The following ERBB2 variants were observed in gnomAD, a reference collection of about 807,000 sequenced individuals.
ERBB2 encodes erb-b2 receptor tyrosine kinase 2.
In ERBB2, 61 loss-of-function variants were observed where a neutral mutation model predicts 149.0. The observed-to-expected ratio is 0.41, with a 90% confidence interval of 0.33 to 0.51. The LOEUF (loss-of-function observed/expected upper bound fraction) is 0.51. ERBB2 is among the 20% of genes least tolerant of loss of function. The pLI is 0.25. For missense variants in ERBB2, 1,205 were observed against 1,655.1 expected, an observed-to-expected ratio of 0.73 and a Z score of 4.72; for synonymous variants, 633 against 678.8, an observed-to-expected ratio of 0.93 and a Z score of 1.05.
chr17:39,702,440 G>T (rs370976639), intron 1 of ERBB2, among the ~76,000 whole-genome samples: 12 of 152,262 alleles, frequency 7.9e-5, no homozygotes, highest in South Asian at 4.1e-4. Flanking sequence ...TTTCTTAGAG[G>T]TATGGGTTTT....
At chr17:39,694,226 AATATAT>A (rs1417710622), upstream of ERBB2, among the ~76,000 whole-genome samples, 1,107 of 18,370 alleles carry the variant, frequency 0.06, 47 homozygotes, top group African/African-American at 0.099. Context: ...AAAAAAAAAA[AATATAT>A]ATATATATAT....
chr17:39,727,410 TG>T lies in ERBB2; in HGVS notation c.3280del (p.Ala1094GlnfsTer38). On this transcript the variant is annotated frameshift_variant, in exon 26 of 27. Transcript: ENST00000269571. LOFTEE classifies it high-confidence loss of function. This position sits in a 1 kb window ranked among gnomAD's most constrained non-coding sequence, Gnocchi z 4.3. ...GATGTATTTGATGGTGACCTGGGAA[TG>T]GGGGCAGCCAAGGGGCTGCAAAGCC... The part of the protein sequence containing the change: ...GSDVFDGDLG[M>X]GAAKGLQSLP... 2 of 1,611,220 alleles carry T rather than the reference TG, an allele frequency of 1.2e-6. No individual in the cohort carries two copies. Among genetic ancestry groups the T allele is most frequent in the Non-Finnish European group, 1.7e-6 (2 of 1,178,928 alleles).
intron 16 of ERBB2, among the ~76,000 whole-genome samples, chr17:39,722,913 G>A (rs1020572939): frequency 5.3e-5 from 8 of 151,966 alleles, no homozygotes; most frequent in East Asian, 1.9e-4. Flanking sequence ...TAGTAGAGAC[G>A]GGGGTTTCAC....
chr17:39,726,386 A>G lies in ERBB2; in HGVS notation c.2873-176A>G. On this transcript the variant is annotated intron_variant, in intron 23 of 26. Coordinates refer to ENST00000269571, the MANE Select transcript of ERBB2 (RefSeq NM_004448.4). This position sits in a 1 kb window ranked among gnomAD's most constrained non-coding sequence, Gnocchi z 5.1. ...AAAAAAAATTAAAAGGGAAACTAGA[A>G]GAGATGCCAAAGGTTCTGGCTGAAG... 1.7e-6 allele frequency: 1 copy of G among 604,192 alleles called. No individual in the cohort carries two copies. Among genetic ancestry groups the G allele is most frequent in the Non-Finnish European group, 3.0e-6 (1 of 337,198 alleles). The allele number at this position is 604,192 out of a possible 1,614,324, so 37.4% of individuals were successfully genotyped here.
chr17:39,712,503 A>G, intron 9 of ERBB2, 55 bp downstream of exon 9: 3 of 1,593,370 alleles, frequency 1.9e-6, no homozygotes, highest in Non-Finnish European at 2.6e-6. Flanking sequence ...AGTCCTGAGG[A>G]TCCAGATGTG....
intron 16 of ERBB2, among the ~76,000 whole-genome samples, chr17:39,721,694 A>G (rs2059462152): frequency 6.6e-6 from 1 of 152,196 alleles, no homozygotes; most frequent in Admixed American, 6.5e-5. Context: ...TGGCTAGAAC[A>G]TCAAAATCAT....
Position 39,728,023 on chromosome 17 carries a change from G to A in ERBB2, c.3747G>A (p.Leu1249=), listed in dbSNP as rs1188993420. 1.3e-6 allele frequency: 2 copies of A among 1,599,504 alleles called. No homozygotes were observed. The highest frequency in any genetic ancestry group is 1.7e-5 in the Admixed American group (1 of 59,434). ...CTACGGCAGAGAACCCAGAGTACCT[G>A]GGTCTGGACGTGCCAGTGTGAACCA... ...GTPTAENPEY[L]GLDVPV is the part of the protein sequence containing the mutation. The change falls in exon 27 of 27, where the codon CTG becomes CTA. Residue 1249 remains leucine (L), a synonymous_variant. Transcript: ENST00000269571.
At chr17:39,724,066 G>A (rs985071103) in intron 19 of ERBB2, 56 bp downstream of exon 19, 6 of 1,294,664 alleles carry the variant, frequency 4.6e-6, no homozygotes, top group Non-Finnish European at 6.6e-6. Context: ...ATGGCTGCAG[G>A]TCTGGGCTCT....
intron 9 of ERBB2, among the ~76,000 whole-genome samples, chr17:39,714,447 C>T (rs2058998952): frequency 1.3e-5 from 2 of 152,208 alleles, no homozygotes; most frequent in Non-Finnish European, 2.9e-5. Context: ...TCAGTTTCTT[C>T]ATCTGTAAAG....
At chr17:39,707,248 TG>T in intron 2 of ERBB2, 107 bp downstream of exon 2, 1 of 1,007,096 alleles carries the variant, frequency 9.9e-7, no homozygotes, top group South Asian at 2.1e-5. Context: ...TTTCCTCTCT[TG>T]TTGTGGTTTC....
chr17:39,688,499 T>G (rs1238369603), intron 1 of ERBB2, among the ~76,000 whole-genome samples: 1 of 152,058 alleles, frequency 6.6e-6, no homozygotes, highest in Non-Finnish European at 1.5e-5. Flanking sequence ...CCATATCACT[T>G]TTTTTTTCTT....
At chr17:39,707,338 T>C in intron 2 of ERBB2, 197 bp downstream of exon 2, 1 of 481,644 alleles carries the variant, frequency 2.1e-6, no homozygotes, top group Non-Finnish European at 3.6e-6. Flanking sequence ...ATAACGTGGC[T>C]GGCCGAGGTC....
chr17:39,710,201 G>GGTAT lies in ERBB2; in HGVS notation c.759+3_759+6dup. ...CGGGCCCCAAGCACTCTGACTGCCT[G>GGTAT]GTATGTGCCTCTGCTTTGTGCCCAA... On this transcript the variant is annotated frameshift_variant and splice_region_variant. Transcript: ENST00000269571. LOFTEE classifies it high-confidence loss of function. 6.2e-7 allele frequency: 1 copy of GGTAT among 1,612,344 alleles called. No individual in the cohort carries two copies. The highest frequency in any genetic ancestry group is 1.3e-5 in the African/African-American group (1 of 75,038).
chr17:39,702,462 C>T (rs2058168235), intron 1 of ERBB2, among the ~76,000 whole-genome samples: 2 of 152,194 alleles, frequency 1.3e-5, no homozygotes, highest in Non-Finnish European at 2.9e-5. Flanking sequence ...CAAATTGCAG[C>T]AAATACATCC....
intron 1 of ERBB2, among the ~76,000 whole-genome samples, chr17:39,701,627 G>T (rs2058115636): frequency 6.6e-6 from 1 of 152,142 alleles, no homozygotes; most frequent in South Asian, 2.1e-4. Flanking sequence ...ATCTCTGCAG[G>T]TCTACGCCAG....
At chr17:39,720,582 A>G (rs2952156) in intron 16 of ERBB2, among the ~76,000 whole-genome samples, 98,025 of 152,030 alleles carry the variant, frequency 0.64, 32,006 homozygotes, top group South Asian at 0.73. Flanking sequence ...GCAAGGGGGT[A>G]TGGAGAGGAG....
At position 39,716,538 on chromosome 17, in the gene ERBB2, C is replaced by T. The variant is rs1430713880; in HGVS notation, c.1670C>T (p.Ala557Val). 8 of 1,614,172 alleles carry T rather than the reference C, an allele frequency of 5.0e-6. No homozygotes were observed. Among genetic ancestry groups the T allele is most frequent in the Non-Finnish European group, 6.8e-6 (8 of 1,180,004 alleles). ...AGGCTCCCCAGGGAGTATGTGAATG[C>T]CAGGCACTGTTTGCCGTGCCACCCT... ...LQGLPREYVNARHCLPCHPEC... is the reference protein window; with the variant it reads ...LQGLPREYVNVRHCLPCHPEC... The change falls in exon 14 of 27, where the codon GCC becomes GTC. Residue 557 changes from alanine (A) to valine (V), a missense_variant. Physicochemically the swap from Ala to Val is moderately conservative, Grantham distance 64. Coordinates refer to ENST00000269571, the MANE Select transcript of ERBB2 (RefSeq NM_004448.4).
chr17:39,728,201 A>G lies in ERBB2; in HGVS notation c.*157A>G. The stretch of plus-strand genomic sequence containing the variant: ...CCTAAGGAACCTTCCTTCCTGCTTG[A>G]GTTCCCAGATGGCTGGAAGGGGTCC... On this transcript the variant is annotated 3_prime_UTR_variant, in exon 27 of 27. Transcript: ENST00000269571. 2 of 579,636 alleles carry G rather than the reference A, an allele frequency of 3.5e-6. No individual in the cohort carries two copies. Among genetic ancestry groups the G allele is most frequent in the Non-Finnish European group, 3.0e-6 (1 of 330,932 alleles). 35.9% of individuals were successfully genotyped at this position (579,636 alleles called of 1,614,324 possible). A position where few individuals can be genotyped will look rare whatever the true frequency, so the allele number is the denominator to read the frequency against.
chr17:39,706,856 A>G (rs544496444), intron 1 of ERBB2, 134 bp from the exon 2 acceptor site: 1 of 800,346 alleles, frequency 1.2e-6, no homozygotes, highest in Non-Finnish European at 1.8e-6. Context: ...TGCAAGGGAC[A>G]TGGGCGGAGG....
Sources: allele counts gnomAD v4.1 joint callset (sites outside exome capture counted in the v4.1 genomes callset), GRCh38; gene constraint gnomAD v4.1.1; non-coding constraint Gnocchi (gnomAD v3.1); transcripts MANE v1.5; gene names NCBI Gene and HGNC (gene_info 2026-07-23, HGNC 2026-07-21).